The following CYFIP2 variants were observed in gnomAD, a reference collection of about 807,000 sequenced individuals.
The protein encoded by CYFIP2 is cytoplasmic FMR1 interacting protein 2.
In CYFIP2, 29 loss-of-function variants were observed where a neutral mutation model predicts 158.7. The observed-to-expected ratio is 0.18, with a 90% CI of 0.14 to 0.25. The LOEUF (loss-of-function observed/expected upper bound fraction) is 0.25, where lower values mean the gene tolerates loss of function less well. Among genes scored for constraint, CYFIP2 ranks in the 10% least tolerant of loss-of-function variants. CYFIP2 has a pLI of 1.00. For synonymous variants in CYFIP2, 585 were observed against 617.6 expected (o/e 0.95, Z 0.78); for missense variants, 852 against 1,639.5 (o/e 0.52, Z 8.29).
intron 8 of CYFIP2, among the ~76,000 whole-genome samples, chr5:157,307,218 A>C (rs1297743799): frequency 6.6e-6 from 1 of 152,178 alleles, no homozygotes; most frequent in Non-Finnish European, 1.5e-5. Flanking sequence ...AAAGAGGTGG[A>C]TACTTTCACA....
rs1388166252 is a variant in CYFIP2 at position 157,372,916 on chromosome 5, C to G, written c.3040-9674C>G. Among the ~76,000 whole-genome samples, 5 of 152,152 alleles carry G rather than the reference C, an allele frequency of 3.3e-5. No homozygotes were observed. The East Asian group carries it at 9.6e-4, about 29-fold the overall frequency. ...AGAGAAACACACACACACACAAATACACACACAAAGAATGCCTTCTCCCTA... is the reference window on the plus strand; with the variant it reads ...AGAGAAACACACACACACACAAATAGACACACAAAGAATGCCTTCTCCCTA... On this transcript the variant is annotated intron_variant, in intron 26 of 30. Transcript: ENST00000620254.
intron 1 of CYFIP2, among the ~76,000 whole-genome samples, chr5:157,268,526 A>G (rs1187816888): frequency 6.6e-6 from 1 of 152,174 alleles, no homozygotes; most frequent in African/African-American, 2.4e-5. Context: ...GCTACAAGCT[A>G]ATTAACGGGA....
intron 8 of CYFIP2, among the ~76,000 whole-genome samples, chr5:157,305,023 T>C (rs1399537053): frequency 2.7e-5 from 4 of 146,510 alleles, no homozygotes; most frequent in African/African-American, 1.1e-4. Flanking sequence ...TTTTCATTCC[T>C]GCTGTTACTT....
intron 23 of CYFIP2, chr5:157,341,516 G>A (rs183337770): frequency 1.2e-3 from 249 of 199,508 alleles, no homozygotes; most frequent in African/African-American, 5.5e-3. Context: ...GTACCACTTC[G>A]CTCCAGCCTG....
rs754628176 is a variant in CYFIP2, at chr5:157,324,016, C to T, written c.1767C>T (p.Leu589=). 5.6e-6 allele frequency: 9 copies of T among 1,613,716 alleles called. 1 individual carries two copies. Among genetic ancestry groups the T allele is most frequent in the Admixed American group, 5.0e-5 (3 of 60,000 alleles). The change falls in exon 16 of 31, where the codon CTC becomes CTT. Residue 589 remains leucine (L), a synonymous_variant. Coordinates refer to ENST00000620254, the MANE Select transcript of CYFIP2 (RefSeq NM_001037333.3). ...LRSSLDGPIV[L]AIEDFHKQSF... ...GCAGCCTGGATGGACCCATTGTCCT[C>T]GCCATAGAGGACTTTCACAAACAGT... is the stretch of plus-strand genomic sequence containing the variant.
intron 1 of CYFIP2, 63 bp from the exon 2 acceptor site, chr5:157,285,276 C>T (rs907046718): frequency 7.7e-5 from 84 of 1,085,874 alleles, no homozygotes; most frequent in South Asian, 3.8e-4. Context: ...GGTCATGGTG[C>T]GGTTAAGAGG....
At chr5:157,281,468 A>G (rs1756981516) in intron 1 of CYFIP2, among the ~76,000 whole-genome samples, 1 of 152,316 alleles carries the variant, frequency 6.6e-6, no homozygotes, top group South Asian at 2.1e-4. Context: ...GTTTGCTTTT[A>G]TTTACCAATT....
chr5:157,307,890 G>A (rs1759378361), intron 9 of CYFIP2, 25 bp downstream of exon 9: 2 of 1,382,244 alleles, frequency 1.4e-6, no homozygotes, highest in Non-Finnish European at 2.0e-6. Flanking sequence ...CTGGGGCTGG[G>A]CAGAGGGCTG....
intron 8 of CYFIP2, among the ~76,000 whole-genome samples, chr5:157,306,326 A>G (rs422141): frequency 0.79 from 120,549 of 152,142 alleles, 48,013 homozygotes; most frequent in East Asian, 0.99. Flanking sequence ...CCCTCTCACC[A>G]CTGGTGCTTT....
intron 6 of CYFIP2, 48 bp downstream of exon 6, chr5:157,300,944 CCA>C: frequency 1.4e-6 from 2 of 1,459,002 alleles, no homozygotes; most frequent in Non-Finnish European, 1.8e-6. Context: ...GGCCCCTCCT[CCA>C]GGGCTGCCTG....
chr5:157,281,610 A>T lies in CYFIP2; in HGVS notation c.-23-3729A>T, dbSNP rs186904895. 1.8e-4 allele frequency among the ~76,000 whole-genome samples: 28 copies of T among 152,326 alleles called. No homozygotes were observed. In the East Asian group the frequency reaches 5.4e-3, roughly 29 times the overall value. On this transcript the variant is annotated intron_variant, in intron 1 of 30. Coordinates refer to ENST00000620254, the MANE Select transcript of CYFIP2 (RefSeq NM_001037333.3). ...ACTCGATTTTAAAATCACTTGGAAT[A>T]ATAGTCCCTTTCTGTGGAGTTACTC...
intron 26 of CYFIP2, among the ~76,000 whole-genome samples, chr5:157,368,915 T>TGAGAC (rs386405408): frequency 2.7e-4 from 41 of 151,484 alleles, no homozygotes; most frequent in Non-Finnish European, 5.6e-4. Context: ...TTTTTTTTTT[T>TGAGAC]TGAGACAGAG....
At chr5:157,285,247 T>G in intron 1 of CYFIP2, 92 bp from the exon 2 acceptor site, 1 of 842,830 alleles carries the variant, frequency 1.2e-6, no homozygotes, top group Non-Finnish European at 1.9e-6. Flanking sequence ...TAACTCTCTT[T>G]ATTCTCCCAA....
rs761673018 is a variant in CYFIP2 at position 157,326,246 on chromosome 5, G to A, written c.2058G>A (p.Leu686=). Residue 686 remains leucine (L), a synonymous_variant, in exon 18 of 31, where the codon CTG becomes CTA. Transcript: ENST00000620254. ...YALTKFKKQF[L]YDEIEAEVNL... is the part of the protein sequence containing the mutation. Reference sequence around the variant, plus strand: ...TGACCAAGTTTAAAAAGCAGTTCCTGTACGATGAGATAGAAGCTGAGGCAA... The same window carrying A: ...TGACCAAGTTTAAAAAGCAGTTCCTATACGATGAGATAGAAGCTGAGGCAA... 6.2e-7 allele frequency: 1 copy of A among 1,613,598 alleles called. No homozygotes were observed. The highest frequency in any genetic ancestry group is 1.3e-5 in the African/African-American group (1 of 74,910).
At chr5:157,379,002 G>A (rs1765773675) in intron 26 of CYFIP2, among the ~76,000 whole-genome samples, 1 of 152,014 alleles carries the variant, frequency 6.6e-6, no homozygotes, top group South Asian at 2.1e-4. Context: ...ATCCTACTTG[G>A]CTCCACTGCA....
chr5:157,373,969 A>ACTC (rs1173862200), intron 26 of CYFIP2, among the ~76,000 whole-genome samples: 3 of 152,232 alleles, frequency 2.0e-5, no homozygotes, highest in African/African-American at 7.2e-5. Context: ...TTTCCAGAGG[A>ACTC]CAGTCTTTGC....
chr5:157,310,932 G>A (rs1012938000), intron 10 of CYFIP2: 9 of 452,962 alleles, frequency 2.0e-5, no homozygotes, highest in Admixed American at 1.9e-4. Flanking sequence ...GAGGGTGAAG[G>A]GAGTGGTCCT....
intron 27 of CYFIP2, 38 bp from the exon 28 acceptor site, chr5:157,383,227 C>T (rs1474406978): frequency 6.3e-7 from 1 of 1,591,126 alleles, no homozygotes; most frequent in Non-Finnish European, 8.6e-7. Context: ...CCCTGTGTTC[C>T]CTGAGTCTCA....
intron 1 of CYFIP2, among the ~76,000 whole-genome samples, chr5:157,284,955 T>C (rs1757258913): frequency 6.6e-6 from 1 of 152,196 alleles, no homozygotes; most frequent in South Asian, 2.1e-4. Flanking sequence ...GAACAAAAGG[T>C]GGAGAAACTA....
Sources: allele counts gnomAD v4.1 joint callset (sites outside exome capture counted in the v4.1 genomes callset), GRCh38; gene constraint gnomAD v4.1.1; transcripts MANE v1.5; gene names NCBI Gene and HGNC (gene_info 2026-07-23, HGNC 2026-07-21).